The following RHBDD1 variants were observed in gnomAD, a reference collection of about 807,000 sequenced individuals.
RHBDD1 encodes rhomboid-related protein 4.
Under a neutral mutation model 36.3 loss-of-function variants are expected in RHBDD1, and 38 were observed. That is an observed-to-expected ratio of 1.05 (90% CI 0.81 to 1.37). The LOEUF is 1.37. RHBDD1 is among the 40% of genes most tolerant of loss of function. RHBDD1 has a pLI of 0.00. For synonymous variants in RHBDD1, 151 were observed against 136.5 expected (o/e 1.11, Z -0.74); for missense variants, 393 against 377.6 (o/e 1.04, Z -0.34).
chr2:226,801,786 T>C, the RHBDD1 span, among the ~76,000 whole-genome samples: 3 of 152,094 alleles, frequency 2.0e-5, no homozygotes, highest in Admixed American at 2.0e-4. Context: ...AGCCTGAAGT[T>C]GGTGGAAAAG....
intron 5 of RHBDD1, among the ~76,000 whole-genome samples, chr2:226,878,377 G>C (rs896977134): frequency 5.3e-5 from 8 of 152,200 alleles, no homozygotes; most frequent in African/African-American, 1.9e-4. Flanking sequence ...TCTTTTCAAA[G>C]TTTCCCACTC....
At chr2:226,833,710 G>A (rs191353968), upstream of RHBDD1, among the ~76,000 whole-genome samples, 57 of 152,282 alleles carry the variant, frequency 3.7e-4, no homozygotes, top group African/African-American at 1.2e-3. Flanking sequence ...TAGTGATTAC[G>A]TATATTTTAA....
chr2:226,979,449 TC>T (rs1449569484), intron 8 of RHBDD1, among the ~76,000 whole-genome samples: 2 of 151,888 alleles, frequency 1.3e-5, no homozygotes, highest in Non-Finnish European at 2.9e-5. Flanking sequence ...GCCAGGCTCC[TC>T]CCCCCTGCAA....
At chr2:226,932,554 T>G (rs1189909515) in intron 8 of RHBDD1, among the ~76,000 whole-genome samples, 1 of 152,138 alleles carries the variant, frequency 6.6e-6, no homozygotes, top group Admixed American at 6.6e-5. Flanking sequence ...TCTCGGTATC[T>G]GCTTGAACTT....
intron 8 of RHBDD1, among the ~76,000 whole-genome samples, chr2:226,929,905 CAAACAAAACAAA>C (rs1036017740): frequency 2.6e-5 from 4 of 151,652 alleles, no homozygotes; most frequent in Admixed American, 1.3e-4. Context: ...TAGCTGCAAA[CAAACAAAACAAA>C]AAACAAAACA....
chr2:226,830,165 G>A, the RHBDD1 span, among the ~76,000 whole-genome samples: 121 of 152,264 alleles, frequency 7.9e-4, no homozygotes, highest in African/African-American at 2.8e-3. Flanking sequence ...AATCTCCAAG[G>A]TGATGTTATT....
At chr2:226,905,570 G>A (rs1490769147) in intron 5 of RHBDD1, among the ~76,000 whole-genome samples, 1 of 152,222 alleles carries the variant, frequency 6.6e-6, no homozygotes, top group Non-Finnish European at 1.5e-5. Context: ...GTGGATTTCA[G>A]AGGATGGCAA....
At chr2:226,874,493 A>G (rs760043924) in intron 5 of RHBDD1, among the ~76,000 whole-genome samples, 42 of 152,124 alleles carry the variant, frequency 2.8e-4, no homozygotes, top group Non-Finnish European at 5.4e-4. Context: ...TTTGTAGGGG[A>G]GAAACTATTA....
At chr2:226,874,190 A>G (rs2125323648) in intron 5 of RHBDD1, among the ~76,000 whole-genome samples, 1 of 152,234 alleles carries the variant, frequency 6.6e-6, no homozygotes, top group African/African-American at 2.4e-5. Context: ...ATTCAAGATG[A>G]GATTTGGGTG....
intron 8 of RHBDD1, among the ~76,000 whole-genome samples, chr2:226,953,508 C>T (rs1951572347): frequency 6.6e-6 from 1 of 152,202 alleles, no homozygotes; most frequent in South Asian, 2.1e-4. Context: ...AGCTCAGAGC[C>T]ACATGGCCTC....
intron 8 of RHBDD1, among the ~76,000 whole-genome samples, chr2:226,955,811 G>A (rs1951751582): frequency 6.6e-6 from 1 of 152,098 alleles, no homozygotes; most frequent in Non-Finnish European, 1.5e-5. Context: ...TTGGATTAGG[G>A]CTCCACCCCT....
intron 8 of RHBDD1, among the ~76,000 whole-genome samples, chr2:226,976,203 T>C (rs1036209852): frequency 1.3e-4 from 20 of 149,814 alleles, no homozygotes; most frequent in African/African-American, 2.0e-4. Context: ...TCTGGGGCAG[T>C]CCAGGTGTGG....
the RHBDD1 span, among the ~76,000 whole-genome samples, chr2:226,816,140 G>A: frequency 6.6e-6 from 1 of 152,080 alleles, no homozygotes; most frequent in African/African-American, 2.4e-5. Context: ...TTTGATGTCA[G>A]GAGCTGATGT....
chr2:226,975,034 C>T (rs1422915087), intron 8 of RHBDD1, among the ~76,000 whole-genome samples: 1 of 152,178 alleles, frequency 6.6e-6, no homozygotes, highest in African/African-American at 2.4e-5. Context: ...AACTGGGACT[C>T]TTAGTGGGTA....
Position 226,904,422 on chromosome 2 carries a change from GA to G in RHBDD1, c.567-2370del, listed in dbSNP as rs1414961088. On this transcript the variant is annotated intron_variant, in intron 5 of 8. Coordinates refer to ENST00000392062, the MANE Select transcript of RHBDD1 (RefSeq NM_001167608.3). ...GTGGCACATCCTGCAAGCGGGGGGG[GA>G]GGGGGGTCAGGGAACTCCTGTTTCA... Among the ~76,000 whole-genome samples, 66 of 148,488 alleles carry G rather than the reference GA, an allele frequency of 4.4e-4. 13 individuals carry two copies. The highest frequency in any genetic ancestry group is 4.5e-4 in the Non-Finnish European group (30 of 67,060).
intron 3 of RHBDD1, among the ~76,000 whole-genome samples, chr2:226,853,972 G>A (rs1415764215): frequency 7.1e-6 from 1 of 140,370 alleles, no homozygotes; most frequent in African/African-American, 3.3e-5. Context: ...CGATAAGGTG[G>A]AACTAATTTC....
intron 5 of RHBDD1, among the ~76,000 whole-genome samples, chr2:226,889,106 A>G (rs1469539915): frequency 2.0e-5 from 3 of 152,232 alleles, no homozygotes; most frequent in Non-Finnish European, 4.4e-5. Flanking sequence ...ACTGCCTGTG[A>G]TTGCTATCCA....
chr2:226,960,515 C>T (rs556106180), intron 8 of RHBDD1, among the ~76,000 whole-genome samples: 1 of 152,224 alleles, frequency 6.6e-6, no homozygotes, highest in South Asian at 2.1e-4. Context: ...TGAAAGGATC[C>T]AGAACATCCT....
chr2:226,957,828 C>A (rs1231735697), intron 8 of RHBDD1, among the ~76,000 whole-genome samples: 1 of 151,988 alleles, frequency 6.6e-6, no homozygotes, highest in African/African-American at 2.4e-5. Context: ...AAATTCTGAT[C>A]AAAACCGCAA....
Sources: gnomAD v4.1 joint callset for allele counts (sites outside exome capture counted in the v4.1 genomes callset) on GRCh38, gnomAD v4.1.1 for gene constraint, MANE v1.5 for transcripts, NCBI Gene and HGNC (gene_info 2026-07-23, HGNC 2026-07-21) for gene names.